PCDHGA5: variants seen among roughly 807,000 people sequenced by gnomAD.
The protein encoded by PCDHGA5 is protocadherin gamma subfamily A, 5, also known as protocadherin gamma-A5.
In PCDHGA5, 36 loss-of-function variants were observed where a neutral mutation model predicts 56.7. The observed-to-expected ratio is 0.64, with a 90% CI of 0.49 to 0.84. The LOEUF is 0.84. Ranked by LOEUF, PCDHGA5 falls within the 40% of genes least tolerant of loss-of-function variation. PCDHGA5 has a pLI of 0.00. For missense variants in PCDHGA5, 1,305 were observed against 1,201.5 expected (o/e 1.09, Z -1.27); for synonymous variants, 563 against 520.2 (o/e 1.08, Z -1.12).
intron 1 of PCDHGA5, among the ~76,000 whole-genome samples, chr5:141,451,571 A>G (rs2098719323): frequency 6.6e-6 from 1 of 152,188 alleles, no homozygotes; most frequent in Non-Finnish European, 1.5e-5. Context: ...CAATCTTTTT[A>G]TAAACCTAAT....
intron 1 of PCDHGA5, among the ~76,000 whole-genome samples, chr5:141,471,706 A>G (rs2099262749): frequency 6.6e-6 from 1 of 152,212 alleles, no homozygotes; most frequent in African/African-American, 2.4e-5. Context: ...CTGGAATAGA[A>G]GTGCCACTTA....
At chr5:141,421,564 G>C in intron 1 of PCDHGA5, 1 of 1,613,982 alleles carries the variant, frequency 6.2e-7, no homozygotes, top group Non-Finnish European at 8.5e-7. Context: ...TCTCGTGGAA[G>C]ACACCTTGAA....
At chr5:141,401,861 G>T (rs934405271) in intron 1 of PCDHGA5, among the ~76,000 whole-genome samples, 1 of 152,122 alleles carries the variant, frequency 6.6e-6, no homozygotes, top group African/African-American at 2.4e-5. Flanking sequence ...TAACCTTTCA[G>T]TAGTTTTCTT....
chr5:141,489,284 T>A lies in PCDHGA5; in HGVS notation c.2422-5523T>A. On this transcript the variant is annotated intron_variant, in intron 1 of 3. Transcript: ENST00000518069. This position sits in a 1 kb window ranked among gnomAD's most constrained non-coding sequence, Gnocchi z 4.5. ...CCACAGCTCGCTGGGAAATGGCAAG[T>A]GCTGTGCATGTTGTCCTTGTGCTGC... The A allele has an allele frequency of 6.4e-7, 1 of 1,570,016 alleles. No homozygotes were observed. The highest frequency in any genetic ancestry group is 2.2e-5 in the East Asian group (1 of 44,588).
intron 1 of PCDHGA5, chr5:141,426,906 C>T (rs2096969568): frequency 4.4e-6 from 2 of 456,654 alleles, no homozygotes; most frequent in Admixed American, 2.3e-5. Context: ...CTCTCATCTC[C>T]TGGTCCTGGA....
At chr5:141,458,496 A>G (rs905073741) in intron 1 of PCDHGA5, among the ~76,000 whole-genome samples, 1 of 151,694 alleles carries the variant, frequency 6.6e-6, no homozygotes, top group Non-Finnish European at 1.5e-5. Flanking sequence ...CTGCCTGTAC[A>G]TACTGTTTGA....
chr5:141,498,865 G>A (rs2099786522), intron 2 of PCDHGA5, among the ~76,000 whole-genome samples: 1 of 151,116 alleles, frequency 6.6e-6, no homozygotes, highest in Non-Finnish European at 1.5e-5. Flanking sequence ...CCCAGGAGGC[G>A]GAGGTTGCAG....
rs1246027327 is a variant in PCDHGA5, at chr5:141,491,976, C to A, written c.2422-2831C>A. On this transcript the variant is annotated intron_variant, in intron 1 of 3. Transcript: ENST00000518069. This position sits in a 1 kb window ranked among gnomAD's most constrained non-coding sequence, Gnocchi z 6.9. ...ACTCAAAAAAGGCCGGGGCCTCCTT[C>A]GAGCTTCCGGTGAATTTCGGGCGAT... 3 of 800,708 alleles carry A rather than the reference C, an allele frequency of 3.7e-6. No individual in the cohort carries two copies. The Admixed American group carries it at 1.1e-4, about 30-fold the overall frequency. 49.6% of individuals were successfully genotyped at this position (800,708 alleles called of 1,614,324 possible).
At chr5:141,419,259 CG>C in intron 1 of PCDHGA5, 1 of 1,614,016 alleles carries the variant, frequency 6.2e-7, no homozygotes, top group Non-Finnish European at 8.5e-7. Context: ...AACAACCAGC[CG>C]GGTGCCTCCA....
chr5:141,372,325 T>A (rs1459758319), intron 1 of PCDHGA5: 1 of 1,613,556 alleles, frequency 6.2e-7, no homozygotes. Flanking sequence ...CGCCTGCTGG[T>A]CACTGTGCGT....
At position 141,487,939 on chromosome 5, in the gene PCDHGA5, C is replaced by A; in HGVS notation, c.2422-6868C>A. ...AGGCTACAGTGCACAGGGTACAGTG[C>A]ACCAGGCAGTCACTTGGACAAAGGT... On this transcript the variant is annotated intron_variant, in intron 1 of 3. Coordinates refer to ENST00000518069, the MANE Select transcript of PCDHGA5 (RefSeq NM_018918.3). The surrounding 1 kb of genome is among the most constrained non-coding windows in gnomAD (Gnocchi z 5.0). The A allele has an allele frequency of 1.7e-6, 1 of 600,512 alleles. No individual in the cohort carries two copies. Among genetic ancestry groups the A allele is most frequent in the Non-Finnish European group, 2.9e-6 (1 of 343,042 alleles). The allele number at this position is 600,512 out of a possible 1,614,324, so 37.2% of individuals were successfully genotyped here.
chr5:141,493,141 C>T lies in PCDHGA5; in HGVS notation c.2422-1666C>T, dbSNP rs1327581425. On this transcript the variant is annotated intron_variant, in intron 1 of 3. Coordinates refer to ENST00000518069, the MANE Select transcript of PCDHGA5 (RefSeq NM_018918.3). This position sits in a 1 kb window ranked among gnomAD's most constrained non-coding sequence, Gnocchi z 4.3. ...CTCCTAGGACTGTATTTTGAAACAC[C>T]CCCAGGTGATTTTGATAGCTGATTG... Among the ~76,000 whole-genome samples the T allele has an allele frequency of 1.4e-5, 2 of 146,284 alleles. No homozygotes were observed. Among genetic ancestry groups the T allele is most frequent in the East Asian group, 2.0e-4 (1 of 5,022 alleles).
rs572270591 is a variant in PCDHGA5, at chr5:141,397,633, T to C, written c.2421+30882T>C. The stretch of plus-strand genomic sequence containing the variant: ...GGCAATACTTAGTTCTAGCTAAGAG[T>C]TCAAGGTATGTTTGCAGAATGGTGA... On this transcript the variant is annotated intron_variant, in intron 1 of 3. Coordinates refer to ENST00000518069, the MANE Select transcript of PCDHGA5 (RefSeq NM_018918.3). Among the ~76,000 whole-genome samples, 5 of 152,252 alleles carry C rather than the reference T, an allele frequency of 3.3e-5. No homozygotes were observed. In the East Asian group the frequency reaches 9.7e-4, roughly 29 times the overall value.
At position 141,487,578 on chromosome 5, in the gene PCDHGA5, C is replaced by T. The variant is rs1293087014; in HGVS notation, c.2422-7229C>T. The T allele has an allele frequency of 1.2e-6, 2 of 1,614,052 alleles. No individual in the cohort carries two copies. Among genetic ancestry groups the T allele is most frequent in the Non-Finnish European group, 1.7e-6 (2 of 1,180,044 alleles). ...CCTATGGCAGGGGAGCCTGTTCGCC[C>T]AAGCTGCCCACCCTCTGATCTTCTC... On this transcript the variant is annotated intron_variant, in intron 1 of 3. Coordinates refer to ENST00000518069, the MANE Select transcript of PCDHGA5 (RefSeq NM_018918.3). The surrounding 1 kb of genome is among the most constrained non-coding windows in gnomAD (Gnocchi z 5.0).
intron 1 of PCDHGA5, among the ~76,000 whole-genome samples, chr5:141,435,605 C>T (rs776926758): frequency 1.1e-4 from 17 of 152,134 alleles, no homozygotes; most frequent in Non-Finnish European, 1.9e-4. Flanking sequence ...CTGCTTTTTA[C>T]ATTAAATTCC....
intron 1 of PCDHGA5, chr5:141,404,795 G>A (rs769293241): frequency 5.0e-6 from 8 of 1,613,924 alleles, no homozygotes; most frequent in Admixed American, 1.7e-5. Flanking sequence ...CAGTGAGCCA[G>A]GGCTCTTCTC....
In PCDHGA5 at chr5:141,370,422, C is replaced by A. The variant is rs780716652; in HGVS notation, c.2421+3671C>A. 1.9e-6 allele frequency: 3 copies of A among 1,581,408 alleles called. No homozygotes were observed. The South Asian group carries it at 3.5e-5, about 18-fold the overall frequency. ...GGGAAATAGCTCCGGATGGAGGGGC[C>A]CAGCAGGGCAGAGGCGAATGCTATT... On this transcript the variant is annotated intron_variant, in intron 1 of 3. Transcript: ENST00000518069.
At position 141,511,871 on chromosome 5, in the gene PCDHGA5, A is replaced by T. The variant is rs1306732557; in HGVS notation, c.*698A>T. On this transcript the variant is annotated 3_prime_UTR_variant, in exon 4 of 4. Coordinates refer to ENST00000518069, the MANE Select transcript of PCDHGA5 (RefSeq NM_018918.3). ...TTGTTTTTCATTGTTTGACGTTTCCACTGCATGCCTTGACTTCCCCCACCT... is the reference window on the plus strand; with the variant it reads ...TTGTTTTTCATTGTTTGACGTTTCCTCTGCATGCCTTGACTTCCCCCACCT... 1 of 156,376 alleles carries T rather than the reference A, an allele frequency of 6.4e-6. No homozygotes were observed. The highest frequency in any genetic ancestry group is 1.9e-4 in the East Asian group (1 of 5,268). 9.7% of individuals were successfully genotyped at this position (156,376 alleles called of 1,614,324 possible).
intron 1 of PCDHGA5, among the ~76,000 whole-genome samples, chr5:141,472,113 A>G (rs1296591849): frequency 1.3e-5 from 2 of 152,260 alleles, no homozygotes; most frequent in East Asian, 3.8e-4. Flanking sequence ...ATACATAAAG[A>G]AAATAAAAGA....
Sources: gnomAD v4.1 joint callset for allele counts (sites outside exome capture counted in the v4.1 genomes callset) on GRCh38, gnomAD v4.1.1 for gene constraint, Gnocchi (gnomAD v3.1) non-coding constraint, MANE v1.5 for transcripts, NCBI Gene and HGNC (gene_info 2026-07-23, HGNC 2026-07-21) for gene names.